TP63: variants seen among roughly 807,000 people sequenced by gnomAD.
TP63 encodes the protein tumor protein p63.
In TP63, 17 loss-of-function variants were observed where a neutral mutation model predicts 82.8. The ratio of observed to expected loss-of-function variants is 0.21; its 90% CI spans 0.14 to 0.31. The LOEUF is 0.31. TP63 is among the 10% of genes least tolerant of loss of function. The probability of loss-of-function intolerance (pLI) is 1.00; values close to 1 mark genes in which losing one functional copy is unlikely to be tolerated. For synonymous variants in TP63, 330 were observed against 321.7 expected, an observed-to-expected ratio of 1.03 and a Z score of -0.28; for missense variants, 648 against 895.3, an observed-to-expected ratio of 0.72 and a Z score of 3.52.
intron 1 of TP63, among the ~76,000 whole-genome samples, chr3:189,726,792 G>A (rs1447378978): frequency 6.6e-6 from 1 of 152,192 alleles, no homozygotes; most frequent in African/African-American, 2.4e-5. Context: ...TGGTCCAAGA[G>A]AAAGTTTCTA....
At chr3:189,825,399 A>G (rs371733710) in intron 4 of TP63, among the ~76,000 whole-genome samples, 1 of 152,240 alleles carries the variant, frequency 6.6e-6, no homozygotes, top group Admixed American at 6.5e-5. Context: ...AATATCTGCA[A>G]TCATTCGTGA....
rs1721147400 is a variant in TP63, at chr3:189,892,763, G to GA, written c.1747-1443_1747-1442insA. 2.0e-5 allele frequency among the ~76,000 whole-genome samples: 3 copies of GA among 152,272 alleles called. No individual in the cohort carries two copies. The East Asian group carries it at 5.8e-4, about 29-fold the overall frequency. ...GCCGAGATCACGCCACTGCACTCCA[G>GA]CCTGGGTGAAAGTGCAAGACTCCGT... is the stretch of plus-strand genomic sequence containing the variant. On this transcript the variant is annotated intron_variant, in intron 13 of 13. Transcript: ENST00000264731.
At chr3:189,749,343 A>G (rs954957480) in intron 3 of TP63, among the ~76,000 whole-genome samples, 48 of 152,192 alleles carry the variant, frequency 3.2e-4, no homozygotes, top group African/African-American at 1.0e-3. Flanking sequence ...ACAGTAAAAA[A>G]ATAAATAATC....
intron 4 of TP63, among the ~76,000 whole-genome samples, chr3:189,860,239 A>G (rs1716856846): frequency 6.6e-6 from 1 of 152,192 alleles, no homozygotes; most frequent in Admixed American, 6.5e-5. Flanking sequence ...CCACAGAGAA[A>G]GAAAGATAGT....
At chr3:189,878,212 C>T (rs1719453733) in intron 10 of TP63, among the ~76,000 whole-genome samples, 1 of 152,008 alleles carries the variant, frequency 6.6e-6, no homozygotes, top group Non-Finnish European at 1.5e-5. Flanking sequence ...TACACGGTCT[C>T]CAAACTGATA....
At chr3:189,678,881 T>A (rs1024075015) in intron 1 of TP63, among the ~76,000 whole-genome samples, 1 of 152,060 alleles carries the variant, frequency 6.6e-6, no homozygotes, top group Non-Finnish European at 1.5e-5. Flanking sequence ...TGAGGTTTAC[T>A]TCTTGATTTG....
Position 189,675,039 on chromosome 3 carries a change from A to G in TP63, c.62+43462A>G, listed in dbSNP as rs562870947. 1.4e-4 allele frequency among the ~76,000 whole-genome samples: 22 copies of G among 152,258 alleles called. No homozygotes were observed. The South Asian group carries it at 4.1e-3, about 29-fold the overall frequency. On this transcript the variant is annotated intron_variant, in intron 1 of 13. Coordinates refer to ENST00000264731, the MANE Select transcript of TP63 (RefSeq NM_003722.5). ...TATAGACAACAGGAATTTCTCTCTC[A>G]TAGTTCTGGAGAATGGGAAGTCCAA... is the stretch of plus-strand genomic sequence containing the variant.
chr3:189,760,944 T>C (rs1722520139), intron 3 of TP63, among the ~76,000 whole-genome samples: 1 of 152,190 alleles, frequency 6.6e-6, no homozygotes, highest in South Asian at 2.1e-4. Context: ...GCTTGCACCC[T>C]CTGAGGCCAT....
intron 3 of TP63, among the ~76,000 whole-genome samples, chr3:189,770,519 C>T (rs1314879757): frequency 6.6e-6 from 1 of 151,282 alleles, no homozygotes; most frequent in Non-Finnish European, 1.5e-5. Flanking sequence ...GAGCCGAGAT[C>T]GTTCCACTGC....
At chr3:189,698,967 G>C (rs909865748) in intron 1 of TP63, among the ~76,000 whole-genome samples, 11 of 152,124 alleles carry the variant, frequency 7.2e-5, no homozygotes, top group African/African-American at 2.4e-4. Context: ...ATGAATGCAA[G>C]TATATTGAGT....
Position 189,768,251 on chromosome 3 carries a change from A to G in TP63, c.324+29477A>G, listed in dbSNP as rs77642840. On this transcript the variant is annotated intron_variant, in intron 3 of 13. Coordinates refer to ENST00000264731, the MANE Select transcript of TP63 (RefSeq NM_003722.5). ...AGCTTACCACAATAGCATTGGTTCA[A>G]TAAACGTGGGCTTTTCTTTACTATT... is the stretch of plus-strand genomic sequence containing the variant. Among the ~76,000 whole-genome samples the G allele has an allele frequency of 5.5e-4, 83 of 152,270 alleles. 1 individual carries two copies. The highest frequency in any genetic ancestry group is 1.9e-3 in the African/African-American group (77 of 41,570).
intron 1 of TP63, among the ~76,000 whole-genome samples, chr3:189,650,571 C>A (rs1458743473): frequency 1.4e-5 from 2 of 147,086 alleles, no homozygotes; most frequent in African/African-American, 2.5e-5. Flanking sequence ...GACACTCTTT[C>A]TTCTCCTTCC....
chr3:189,648,829 T>C (rs1417457167), intron 1 of TP63, among the ~76,000 whole-genome samples: 1 of 141,270 alleles, frequency 7.1e-6, no homozygotes, highest in Non-Finnish European at 1.5e-5. Context: ...ATTTCACATA[T>C]AGTATTTGAG....
At chr3:189,869,497 A>G in intron 9 of TP63, 91 bp downstream of exon 9, 1 of 1,170,684 alleles carries the variant, frequency 8.5e-7, no homozygotes, top group Middle Eastern at 2.0e-4. Flanking sequence ...TATCTGTGAC[A>G]ATGGGAAAGG....
intron 1 of TP63, among the ~76,000 whole-genome samples, chr3:189,669,785 T>C (rs1017637709): frequency 1.3e-5 from 2 of 151,750 alleles, no homozygotes; most frequent in African/African-American, 4.8e-5. Context: ...AGAGATATAG[T>C]AAAGCAAGCC....
At chr3:189,767,392 G>A (rs74442502) in intron 3 of TP63, among the ~76,000 whole-genome samples, 3,987 of 152,178 alleles carry the variant, frequency 0.026, 159 homozygotes, top group East Asian at 0.21. Flanking sequence ...CATTGAAGGG[G>A]AAAAACCAGT....
the TP63 span, among the ~76,000 whole-genome samples, chr3:189,607,025 G>C: frequency 9.2e-5 from 14 of 152,240 alleles, no homozygotes; most frequent in East Asian, 2.7e-3. Flanking sequence ...TGTTGGAGAG[G>C]CCCATGTGGT....
At chr3:189,806,304 C>A (rs1473841978) in intron 3 of TP63, among the ~76,000 whole-genome samples, 1 of 151,940 alleles carries the variant, frequency 6.6e-6, no homozygotes, top group Non-Finnish European at 1.5e-5. Flanking sequence ...ATTTTACTGC[C>A]TGCGAGAAAG....
At chr3:189,860,271 A>G (rs1264608042) in intron 4 of TP63, among the ~76,000 whole-genome samples, 1 of 152,342 alleles carries the variant, frequency 6.6e-6, no homozygotes, top group Non-Finnish European at 1.5e-5. Context: ...TGTGTGTTCA[A>G]ATTTACAATT....
Sources: gnomAD v4.1 joint callset for allele counts (sites outside exome capture counted in the v4.1 genomes callset) on GRCh38, gnomAD v4.1.1 for gene constraint, MANE v1.5 for transcripts, NCBI Gene and HGNC (gene_info 2026-07-23, HGNC 2026-07-21) for gene names.